SMOC2: variants seen among roughly 807,000 people sequenced by gnomAD.
The protein encoded by SMOC2 is SPARC related modular calcium binding 2.
A neutral mutation model predicts 61.4 loss-of-function variants in SMOC2; 39 were observed. The ratio of observed to expected loss-of-function variants is 0.64; its 90% CI spans 0.49 to 0.83. The LOEUF is 0.83. SMOC2 is among the 40% of genes least tolerant of loss of function. The pLI is 0.00. For synonymous variants in SMOC2, 247 were observed against 239.9 expected, an observed-to-expected ratio of 1.03 and a Z score of -0.27; for missense variants, 556 against 592.9, an observed-to-expected ratio of 0.94 and a Z score of 0.65.
At chr6:168,613,491 G>A (rs1414731649) in intron 9 of SMOC2, among the ~76,000 whole-genome samples, 1 of 152,150 alleles carries the variant, frequency 6.6e-6, no homozygotes, top group African/African-American at 2.4e-5. Flanking sequence ...CTAAGAAATG[G>A]TCTTTATTTT....
chr6:168,555,610 CACTGTGGA>C (rs1314979536), intron 7 of SMOC2, among the ~76,000 whole-genome samples: 5 of 152,230 alleles, frequency 3.3e-5, no homozygotes, highest in Non-Finnish European at 5.9e-5. Context: ...TCATAGCATG[CACTGTGGA>C]ACCTAAATCA....
At chr6:168,585,333 T>C (rs1312561445) in intron 7 of SMOC2, among the ~76,000 whole-genome samples, 1 of 152,216 alleles carries the variant, frequency 6.6e-6, no homozygotes, top group Non-Finnish European at 1.5e-5. Flanking sequence ...CCTGTCTTTT[T>C]TTCGATCCAG....
chr6:168,575,424 G>A (rs951765801), intron 7 of SMOC2, among the ~76,000 whole-genome samples: 1 of 152,072 alleles, frequency 6.6e-6, no homozygotes, highest in African/African-American at 2.4e-5. Flanking sequence ...CATAGATAGC[G>A]CTTTACTGTA....
intron 3 of SMOC2, among the ~76,000 whole-genome samples, chr6:168,526,915 C>G (rs938001182): frequency 6.6e-6 from 1 of 152,204 alleles, no homozygotes; most frequent in African/African-American, 2.4e-5. Flanking sequence ...AAGTCAAATT[C>G]ATGTTGTCAG....
intron 9 of SMOC2, among the ~76,000 whole-genome samples, chr6:168,647,179 G>A (rs1384845774): frequency 1.3e-5 from 2 of 152,206 alleles, no homozygotes; most frequent in Non-Finnish European, 2.9e-5. Flanking sequence ...GAGTGGAACT[G>A]TCCCAAAATA....
At chr6:168,527,481 G>A (rs1562329190) in intron 3 of SMOC2, 147 bp from the exon 4 acceptor site, 1 of 624,830 alleles carries the variant, frequency 1.6e-6, no homozygotes, top group Non-Finnish European at 2.9e-6. Flanking sequence ...TTTCTTTACC[G>A]AGGACTCAAA....
At chr6:168,500,096 C>T (rs990747664) in intron 1 of SMOC2, among the ~76,000 whole-genome samples, 2 of 151,898 alleles carry the variant, frequency 1.3e-5, no homozygotes, top group Non-Finnish European at 2.9e-5. Context: ...CACCTGAGCT[C>T]AGGAGTTCGA....
At chr6:168,546,947 G>A in intron 5 of SMOC2, 172 bp from the exon 6 acceptor site, 2 of 767,808 alleles carry the variant, frequency 2.6e-6, no homozygotes, top group Non-Finnish European at 4.6e-6. Flanking sequence ...GACTGGTATA[G>A]TCATTCCAGC....
intron 1 of SMOC2, among the ~76,000 whole-genome samples, chr6:168,496,635 G>C (rs914277201): frequency 3.3e-5 from 5 of 152,170 alleles, no homozygotes; most frequent in Admixed American, 6.5e-5. Flanking sequence ...GCCGGCACCT[G>C]GACGGGGCTG....
intron 10 of SMOC2, among the ~76,000 whole-genome samples, chr6:168,651,856 C>T (rs184057442): frequency 1.8e-4 from 27 of 152,218 alleles, no homozygotes; most frequent in African/African-American, 5.8e-4. Context: ...GCCTGGCCAA[C>T]GTGGTGAAAA....
intron 9 of SMOC2, among the ~76,000 whole-genome samples, chr6:168,623,841 T>C (rs953070514): frequency 6.6e-6 from 1 of 152,052 alleles, no homozygotes; most frequent in African/African-American, 2.4e-5. Flanking sequence ...TGCACAAGAC[T>C]GGGGCAGCCA....
rs146563724 is a variant in SMOC2 at position 168,623,482 on chromosome 6, C to CTTATTTATTTAT, written c.907+15265_907+15276dup. Among the ~76,000 whole-genome samples, 1,450 of 146,452 alleles carry CTTATTTATTTAT rather than the reference C, an allele frequency of 9.9e-3. 20 individuals carry two copies. The highest frequency in any genetic ancestry group is 0.031 in the African/African-American group (1,199 of 39,060). On this transcript the variant is annotated intron_variant, in intron 9 of 12. Transcript: ENST00000356284. ...TAGGACTACACACCACCCCACCTGG[C>CTTATTTATTTAT]TTATTTATTTATTTATTTATTTATT...
At chr6:168,451,624 T>TCTCTCC (rs761484072) in intron 1 of SMOC2, among the ~76,000 whole-genome samples, 2 of 138,520 alleles carry the variant, frequency 1.4e-5, no homozygotes, top group African/African-American at 3.0e-5. Context: ...TCTCTCTCTC[T>TCTCTCC]CTCTCCCTCC....
chr6:168,459,689 G>A (rs1781676665), intron 1 of SMOC2, among the ~76,000 whole-genome samples: 1 of 144,536 alleles, frequency 6.9e-6, no homozygotes, highest in Non-Finnish European at 1.5e-5. Flanking sequence ...CCCTGGGGTG[G>A]GTGAGCCCTG....
At chr6:168,639,165 C>T (rs1786825363) in intron 9 of SMOC2, among the ~76,000 whole-genome samples, 1 of 152,178 alleles carries the variant, frequency 6.6e-6, no homozygotes, top group South Asian at 2.1e-4. Flanking sequence ...GCGTCTCAGT[C>T]ATTGAATCGT....
chr6:168,519,218 A>AGT (rs562476267), intron 2 of SMOC2, among the ~76,000 whole-genome samples: 27,341 of 94,804 alleles, frequency 0.29, 2,832 homozygotes, highest in Middle Eastern at 0.41. Context: ...TGCGTGTGTG[A>AGT]GAGAGTGTGT....
intron 9 of SMOC2, among the ~76,000 whole-genome samples, chr6:168,617,612 C>T (rs750017299): frequency 1.3e-5 from 2 of 152,216 alleles, no homozygotes; most frequent in East Asian, 1.9e-4. Flanking sequence ...TCTTGCATCT[C>T]GCTGGCTGCC....
chr6:168,466,632 A>G (rs888740699), intron 1 of SMOC2, among the ~76,000 whole-genome samples: 1 of 152,218 alleles, frequency 6.6e-6, no homozygotes, highest in East Asian at 1.9e-4. Flanking sequence ...CATATTTGTC[A>G]TAGTATTTGT....
intron 1 of SMOC2, among the ~76,000 whole-genome samples, chr6:168,447,830 C>CAA (rs58077336): frequency 6.4e-5 from 6 of 93,514 alleles, no homozygotes; most frequent in African/African-American, 1.5e-4. Flanking sequence ...AGTTTGTTGG[C>CAA]AAAAAAAAAA....
Sources: gnomAD v4.1 joint callset for allele counts (sites outside exome capture counted in the v4.1 genomes callset) on GRCh38, gnomAD v4.1.1 for gene constraint, MANE v1.5 for transcripts, NCBI Gene and HGNC (gene_info 2026-07-23, HGNC 2026-07-21) for gene names.